The following EEF1E1 variants were observed in gnomAD, a reference collection of about 807,000 sequenced individuals.
EEF1E1 encodes the protein eukaryotic translation elongation factor 1 epsilon-1.
A neutral mutation model predicts 19.9 loss-of-function variants in EEF1E1; 19 were observed. That is an observed-to-expected ratio of 0.95 (90% confidence interval 0.66 to 1.40). The LOEUF (loss-of-function observed/expected upper bound fraction) is 1.40. EEF1E1 is among the 40% of genes most tolerant of loss of function. EEF1E1 has a pLI of 0.00. For missense variants in EEF1E1, 198 were observed against 202.2 expected (o/e 0.98, Z 0.13); for synonymous variants, 81 against 80.0 (o/e 1.01, Z -0.07).
chr6:8,100,805 C>G (rs932634591), intron 1 of EEF1E1, among the ~76,000 whole-genome samples: 2 of 151,208 alleles, frequency 1.3e-5, no homozygotes, highest in Non-Finnish European at 2.9e-5. Flanking sequence ...CTGGCGCCAC[C>G]AGCCCCAGAG....
intron 1 of EEF1E1, among the ~76,000 whole-genome samples, chr6:8,101,243 A>AAAATAT (rs1271033598): frequency 5.6e-4 from 33 of 58,460 alleles, no homozygotes; most frequent in Non-Finnish European, 7.6e-4. Context: ...AAAAAAAAAA[A>AAAATAT]ATATATATAT....
At chr6:8,093,756 A>G (rs1758087145) in intron 2 of EEF1E1, among the ~76,000 whole-genome samples, 1 of 151,786 alleles carries the variant, frequency 6.6e-6, no homozygotes, top group African/African-American at 2.4e-5. Flanking sequence ...GCTAATAAGC[A>G]GTATGAAAAC....
intron 1 of EEF1E1, among the ~76,000 whole-genome samples, chr6:8,100,361 C>T (rs577333802): frequency 4.1e-4 from 63 of 152,290 alleles, no homozygotes; most frequent in African/African-American, 1.5e-3. Context: ...GAATTAACTT[C>T]CTTTTTCACA....
At chr6:8,095,965 G>A (rs189311889) in intron 2 of EEF1E1, among the ~76,000 whole-genome samples, 81 of 152,298 alleles carry the variant, frequency 5.3e-4, no homozygotes, top group South Asian at 1.7e-3. Flanking sequence ...CACTGCAAGC[G>A]TTTATATAGT....
chr6:8,092,868 G>GTTGTTTTTTTTTTTTTTTTTTTTTTT (rs1554099258), intron 2 of EEF1E1, among the ~76,000 whole-genome samples: 3 of 108,202 alleles, frequency 2.8e-5, no homozygotes. Flanking sequence ...GATAAAGACT[G>GTTGTTTTTTTTTTTTTTTTTTTTTTT]CTTTTTTTTT....
chr6:8,096,093 G>A (rs1758166665), intron 2 of EEF1E1, among the ~76,000 whole-genome samples: 1 of 152,194 alleles, frequency 6.6e-6, no homozygotes, highest in Non-Finnish European at 1.5e-5. Context: ...ATATTTACAT[G>A]TCTCAGAGAT....
At chr6:8,088,135 A>C (rs1757914860) in intron 3 of EEF1E1, among the ~76,000 whole-genome samples, 1 of 152,188 alleles carries the variant, frequency 6.6e-6, no homozygotes, top group African/African-American at 2.4e-5. Context: ...ATTAGGATTA[A>C]ATGAGTCAAC....
Position 8,090,166 on chromosome 6 carries a change from G to A in EEF1E1, c.384+20C>T. The A allele has an allele frequency of 6.7e-7, 1 of 1,499,140 alleles. No homozygotes were observed. The highest frequency in any genetic ancestry group is 1.4e-5 in the African/African-American group (1 of 69,244). 92.9% of individuals were successfully genotyped at this position (1,499,140 alleles called of 1,614,324 possible). A position where few individuals can be genotyped will look rare whatever the true frequency, so the allele number is the denominator to read the frequency against. ...TCTCAACACTACAGAAAAAAAGCCA[G>A]TAACTATACAAATACTCACTATAAA... On this transcript the variant is annotated intron_variant, in intron 3 of 3. Transcript: ENST00000379715.
chr6:8,078,876 G>T, downstream of EEF1E1: 1 of 1,071,164 alleles, frequency 9.3e-7, no homozygotes, highest in Non-Finnish European at 1.2e-6. Flanking sequence ...ATGATTGACT[G>T]CTTTGTTTAA....
chr6:8,092,977 C>G (rs968793825), intron 2 of EEF1E1, among the ~76,000 whole-genome samples: 1 of 144,188 alleles, frequency 6.9e-6, no homozygotes, highest in Non-Finnish European at 1.5e-5. Context: ...AGGGTTCAAG[C>G]GATTCTCCTG....
chr6:8,100,775 T>C (rs979745633), intron 1 of EEF1E1, among the ~76,000 whole-genome samples: 2 of 151,746 alleles, frequency 1.3e-5, no homozygotes, highest in African/African-American at 4.8e-5. Flanking sequence ...TACGTACAGC[T>C]GTCCTGGTAA....
At chr6:8,090,749 T>C (rs1266184647) in intron 2 of EEF1E1, among the ~76,000 whole-genome samples, 2 of 152,232 alleles carry the variant, frequency 1.3e-5, no homozygotes, top group African/African-American at 4.8e-5. Context: ...CTTGTTTCTA[T>C]GAATGTGACT....
At chr6:8,075,250 G>A (rs913554042), downstream of EEF1E1, among the ~76,000 whole-genome samples, 3 of 152,050 alleles carry the variant, frequency 2.0e-5, no homozygotes, top group Admixed American at 6.5e-5. Flanking sequence ...TGTAGTCTCC[G>A]AACATACAAA....
downstream of EEF1E1, chr6:8,078,362 CATTT>C (rs1292761665): frequency 6.0e-6 from 1 of 167,924 alleles, no homozygotes; most frequent in Non-Finnish European, 1.3e-5. Context: ...ACACACACAA[CATTT>C]ATTAAGTCTG....
rs57312761 is a variant in EEF1E1, at chr6:8,099,754, AC to A, written c.88-2288del. ...AAGAGTGAAGCTCCGCCTCAAAAAC[AC>A]ACACACACACACACACACACACACA... is the stretch of plus-strand genomic sequence containing the variant. On this transcript the variant is annotated intron_variant, in intron 1 of 3. Coordinates refer to ENST00000379715, the MANE Select transcript of EEF1E1 (RefSeq NM_004280.5). Among the ~76,000 whole-genome samples the A allele has an allele frequency of 1.3e-3, 118 of 93,942 alleles. 1 individual carries two copies. The highest frequency in any genetic ancestry group is 2.1e-3 in the Non-Finnish European group (97 of 46,036). 61.6% of individuals were successfully genotyped at this position (93,942 alleles called of 152,430 possible).
chr6:8,086,770 A>G (rs1349627372), intron 3 of EEF1E1, among the ~76,000 whole-genome samples: 5 of 152,240 alleles, frequency 3.3e-5, no homozygotes, highest in Non-Finnish European at 7.3e-5. Context: ...CTTGAAAAGC[A>G]TAGAGAAATA....
At chr6:8,099,776 ACACACACACAC>A (rs751748403) in intron 1 of EEF1E1, among the ~76,000 whole-genome samples, 16 of 124,938 alleles carry the variant, frequency 1.3e-4, no homozygotes, top group South Asian at 2.5e-4. Context: ...ACACACACAC[ACACACACACAC>A]ACACAAAAAA....
chr6:8,076,994 G>C (rs569566273), downstream of EEF1E1, among the ~76,000 whole-genome samples: 10 of 54,524 alleles, frequency 1.8e-4, no homozygotes, highest in East Asian at 2.9e-3. Flanking sequence ...CCAGGCTGGA[G>C]TGCAGTGGCA....
intron 3 of EEF1E1, among the ~76,000 whole-genome samples, chr6:8,083,364 T>C (rs1757768970): frequency 6.6e-6 from 1 of 152,202 alleles, no homozygotes; most frequent in South Asian, 2.1e-4. Context: ...ATGCCTCCAA[T>C]GGTGCTCCAA....
Sources: allele counts gnomAD v4.1 joint callset (sites outside exome capture counted in the v4.1 genomes callset), GRCh38; gene constraint gnomAD v4.1.1; transcripts MANE v1.5; gene names NCBI Gene and HGNC (gene_info 2026-07-23, HGNC 2026-07-21).